Variants in OPCML observed in about 807,000 individuals in gnomAD.
OPCML encodes the protein opioid-binding protein/cell adhesion molecule.
OPCML carries 13 observed loss-of-function variants against 37.8 expected under a neutral mutation model. That is an observed-to-expected ratio of 0.34 (90% confidence interval 0.22 to 0.55). The LOEUF (loss-of-function observed/expected upper bound fraction) is 0.55. OPCML is among the 20% of genes least tolerant of loss of function. OPCML has a pLI of 0.91. For missense variants in OPCML, 341 were observed against 435.6 expected, an observed-to-expected ratio of 0.78 and a Z score of 1.93; for synonymous variants, 176 against 168.8, an observed-to-expected ratio of 1.04 and a Z score of -0.33.
At chr11:132,533,450 C>T (rs774117406) in intron 3 of OPCML, among the ~76,000 whole-genome samples, 7 of 152,106 alleles carry the variant, frequency 4.6e-5, no homozygotes, top group South Asian at 2.1e-4. Context: ...GATAGATAAA[C>T]GGACAGATAG....
chr11:133,174,609 T>A lies in OPCML; in HGVS notation c.62-231599A>T, dbSNP rs2136275081. 6.9e-6 allele frequency among the ~76,000 whole-genome samples: 1 copy of A among 145,912 alleles called. No homozygotes were observed. The highest frequency in any genetic ancestry group is 6.9e-5 in the Admixed American group (1 of 14,586). On this transcript the variant is annotated intron_variant, in intron 1 of 7. Coordinates refer to ENST00000524381, the MANE Select transcript of OPCML (RefSeq NM_001012393.5). The surrounding 1 kb of genome is among the most constrained non-coding windows in gnomAD (Gnocchi z 4.6). ...AGTAAGTATATGCATTTATTTGTGT[T>A]GAAAAAATGCTCATGGAATGCTGTT...
intron 1 of OPCML, among the ~76,000 whole-genome samples, chr11:133,158,425 G>T (rs1950094491): frequency 6.6e-6 from 1 of 152,154 alleles, no homozygotes; most frequent in Admixed American, 6.5e-5. Flanking sequence ...TCCAGGGCCA[G>T]GCATGGTGGC....
At chr11:132,731,319 C>A (rs914812138) in intron 2 of OPCML, among the ~76,000 whole-genome samples, 11 of 152,120 alleles carry the variant, frequency 7.2e-5, no homozygotes, top group Admixed American at 5.9e-4. Flanking sequence ...ACCAAATAGA[C>A]CCTCCAAATT....
At chr11:133,116,500 C>T (rs576891670) in intron 1 of OPCML, among the ~76,000 whole-genome samples, 58 of 152,202 alleles carry the variant, frequency 3.8e-4, no homozygotes, top group Non-Finnish European at 7.2e-4. Context: ...TTCTTTTAAA[C>T]CTTAAGTATT....
chr11:133,339,349 G>T (rs1293020901), intron 1 of OPCML, among the ~76,000 whole-genome samples: 6 of 152,134 alleles, frequency 3.9e-5, no homozygotes, highest in Non-Finnish European at 7.3e-5. Flanking sequence ...ATTTGCCAAG[G>T]TCACACAGCT....
At chr11:132,565,629 C>T (rs1048319513) in intron 3 of OPCML, among the ~76,000 whole-genome samples, 3 of 152,208 alleles carry the variant, frequency 2.0e-5, no homozygotes, top group African/African-American at 4.8e-5. Flanking sequence ...GTTCTCAATG[C>T]TTACAAGAAG....
intron 2 of OPCML, among the ~76,000 whole-genome samples, chr11:132,794,809 T>C (rs931478173): frequency 7.9e-5 from 12 of 152,168 alleles, no homozygotes; most frequent in African/African-American, 2.9e-4. Context: ...ATGTAAGTTT[T>C]GTATATTCAA....
At chr11:132,821,829 G>A (rs908121272) in intron 2 of OPCML, among the ~76,000 whole-genome samples, 1 of 151,898 alleles carries the variant, frequency 6.6e-6, no homozygotes, top group African/African-American at 2.4e-5. Context: ...AGCCTTGGTG[G>A]GTCCTGCCTC....
intron 4 of OPCML, among the ~76,000 whole-genome samples, chr11:132,437,671 A>T (rs549064143): frequency 9.8e-5 from 15 of 152,348 alleles, no homozygotes; most frequent in Non-Finnish European, 2.1e-4. Flanking sequence ...GACATGATAA[A>T]TACTTCAGTG....
intron 1 of OPCML, among the ~76,000 whole-genome samples, chr11:133,468,735 C>T (rs1355778655): frequency 6.6e-6 from 1 of 152,184 alleles, no homozygotes; most frequent in African/African-American, 2.4e-5. Context: ...TTCAAGAGCT[C>T]ACTTCACAAA....
chr11:133,267,695 C>T (rs1312469907), intron 1 of OPCML, among the ~76,000 whole-genome samples: 1 of 152,082 alleles, frequency 6.6e-6, no homozygotes, highest in African/African-American at 2.4e-5. Flanking sequence ...CTCACAATTC[C>T]CATGTGTCGT....
intron 1 of OPCML, among the ~76,000 whole-genome samples, chr11:133,085,431 A>G (rs1467870273): frequency 6.6e-6 from 1 of 152,192 alleles, no homozygotes; most frequent in African/African-American, 2.4e-5. Context: ...GCTCTTTGAG[A>G]TCAATGGTGG....
chr11:133,511,885 C>T (rs571530595), intron 1 of OPCML, among the ~76,000 whole-genome samples: 7 of 152,250 alleles, frequency 4.6e-5, no homozygotes, highest in Non-Finnish European at 1.0e-4. Flanking sequence ...GTGCTTGACC[C>T]ATGCCAGGTA....
At chr11:133,009,013 C>T (rs1283741051) in intron 1 of OPCML, 2 of 985,322 alleles carry the variant, frequency 2.0e-6, no homozygotes, top group Non-Finnish European at 2.4e-6. Flanking sequence ...CTCTATTTGA[C>T]ATCTGTTTCA....
chr11:133,020,955 C>A (rs1007014871), intron 1 of OPCML, among the ~76,000 whole-genome samples: 8 of 152,120 alleles, frequency 5.3e-5, no homozygotes, highest in Non-Finnish European at 8.8e-5. Context: ...CTCTCAGAGA[C>A]TTTTAACTGA....
At chr11:133,016,580 CA>C (rs1418207106) in intron 1 of OPCML, among the ~76,000 whole-genome samples, 1 of 152,180 alleles carries the variant, frequency 6.6e-6, no homozygotes, top group Admixed American at 6.5e-5. Flanking sequence ...ATTTCAAGGT[CA>C]ACTGTGCATT....
intron 1 of OPCML, among the ~76,000 whole-genome samples, chr11:133,343,027 G>T (rs1413872343): frequency 6.6e-6 from 1 of 152,074 alleles, no homozygotes; most frequent in Non-Finnish European, 1.5e-5. Flanking sequence ...TATAGAGATG[G>T]AGTTTCACCC....
At chr11:133,009,204 T>A (rs1031195458) in intron 1 of OPCML, 202 of 985,300 alleles carry the variant, frequency 2.1e-4, no homozygotes, top group Non-Finnish European at 2.4e-4. Flanking sequence ...CATATGTAGA[T>A]ATAGTCCCTG....
intron 2 of OPCML, among the ~76,000 whole-genome samples, chr11:132,897,300 T>C (rs889545657): frequency 6.6e-6 from 1 of 152,170 alleles, no homozygotes; most frequent in African/African-American, 2.4e-5. Flanking sequence ...TGGGCCTTAA[T>C]AGAAACTGAA....
Sources: gnomAD v4.1 joint callset for allele counts (sites outside exome capture counted in the v4.1 genomes callset) on GRCh38, gnomAD v4.1.1 for gene constraint, Gnocchi (gnomAD v3.1) non-coding constraint, MANE v1.5 for transcripts, NCBI Gene and HGNC (gene_info 2026-07-23, HGNC 2026-07-21) for gene names.